Variants in DAB1 observed in about 807,000 individuals in gnomAD.
DAB1 encodes disabled homolog 1.
A neutral mutation model predicts 64.6 loss-of-function variants in DAB1; 15 were observed. The ratio of observed to expected loss-of-function variants is 0.23; its 90% CI spans 0.16 to 0.36. The LOEUF (loss-of-function observed/expected upper bound fraction) is 0.36. Among genes scored for constraint, DAB1 ranks in the 10% least tolerant of loss-of-function variants. The probability of loss-of-function intolerance (pLI) is 1.00; values close to 1 mark genes in which losing one functional copy is unlikely to be tolerated. For missense variants in DAB1, 596 were observed against 706.7 expected, an observed-to-expected ratio of 0.84 and a Z score of 1.78; for synonymous variants, 235 against 251.9, an observed-to-expected ratio of 0.93 and a Z score of 0.64.
At chr1:57,614,860 CTTTCTTTCTTTTT>C (rs1459767832) in intron 7 of DAB1, among the ~76,000 whole-genome samples, 1 of 124,374 alleles carries the variant, frequency 8.0e-6, no homozygotes, top group Admixed American at 8.6e-5. Flanking sequence ...TTCTTTCTTT[CTTTCTTTCTTTTT>C]TTTTTTTTTT....
At chr1:58,344,733 G>T (rs1380360427) in intron 3 of DAB1, among the ~76,000 whole-genome samples, 1 of 152,178 alleles carries the variant, frequency 6.6e-6, no homozygotes, top group Non-Finnish European at 1.5e-5. Context: ...ATACCATTGA[G>T]AGGTTAACTA....
intron 7 of DAB1, among the ~76,000 whole-genome samples, chr1:57,502,380 T>A (rs1445447772): frequency 6.6e-6 from 1 of 151,200 alleles, no homozygotes; most frequent in Non-Finnish European, 1.5e-5. Context: ...CAGTCAATTG[T>A]GGAAAATTTA....
chr1:57,224,929 G>T (rs562560724), intron 2 of DAB1, among the ~76,000 whole-genome samples: 5 of 152,120 alleles, frequency 3.3e-5, no homozygotes, highest in African/African-American at 9.7e-5. Flanking sequence ...TAATCAGTGG[G>T]CCTACATTAA....
intron 6 of DAB1, among the ~76,000 whole-genome samples, chr1:57,720,072 G>C (rs1300307989): frequency 1.3e-5 from 2 of 152,110 alleles, no homozygotes; most frequent in African/African-American, 2.4e-5. Context: ...CTCTAAATTA[G>C]AGTCACACTC....
chr1:58,041,067 G>C (rs1647128132), intron 5 of DAB1, among the ~76,000 whole-genome samples: 1 of 152,162 alleles, frequency 6.6e-6, no homozygotes, highest in Non-Finnish European at 1.5e-5. Context: ...ATGCTTTGCT[G>C]CCTATCTGAA....
intron 4 of DAB1, among the ~76,000 whole-genome samples, chr1:57,112,639 A>C (rs1459238135): frequency 1.3e-5 from 2 of 152,204 alleles, no homozygotes; most frequent in South Asian, 4.1e-4. Flanking sequence ...ATTCCTTTGC[A>C]CATGAGCTTT....
intron 5 of DAB1, among the ~76,000 whole-genome samples, chr1:57,918,738 G>A (rs1294478981): frequency 1.3e-5 from 2 of 152,090 alleles, no homozygotes; most frequent in Admixed American, 6.6e-5. Context: ...GCAGGAGAAT[G>A]GTGTGAACCC....
At chr1:58,038,894 A>G (rs1647089095) in intron 5 of DAB1, among the ~76,000 whole-genome samples, 1 of 152,186 alleles carries the variant, frequency 6.6e-6, no homozygotes, top group African/African-American at 2.4e-5. Context: ...GCTTAATTTC[A>G]GTGTCTCCAA....
chr1:58,216,639 C>A (rs1010498959), intron 4 of DAB1, among the ~76,000 whole-genome samples: 14 of 152,192 alleles, frequency 9.2e-5, no homozygotes, highest in African/African-American at 2.9e-4. Flanking sequence ...AACTTACACT[C>A]CCACCAACAG....
intron 5 of DAB1, among the ~76,000 whole-genome samples, chr1:58,002,335 T>C (rs945965784): frequency 4.6e-5 from 7 of 152,212 alleles, no homozygotes; most frequent in African/African-American, 1.7e-4. Context: ...TAATTGTTTG[T>C]TTTTCTTTAA....
intron 1 of DAB1, among the ~76,000 whole-genome samples, chr1:57,869,412 T>TA (rs1654439903): frequency 6.7e-6 from 1 of 150,074 alleles, no homozygotes. Flanking sequence ...AGGTACTCAA[T>TA]AACTCTATTC....
intron 7 of DAB1, among the ~76,000 whole-genome samples, chr1:57,491,770 AC>A (rs1192280723): frequency 6.6e-6 from 1 of 152,214 alleles, no homozygotes; most frequent in African/African-American, 2.4e-5. Flanking sequence ...GAGGTTTCCC[AC>A]GTAGCATCAC....
rs180872073 is a variant in DAB1 at position 57,106,093 on chromosome 1, G to T, written c.306+30450C>A. Among the ~76,000 whole-genome samples the T allele has an allele frequency of 1.6e-3, 244 of 152,300 alleles. 3 individuals are homozygous for T. The highest frequency in any genetic ancestry group is 1.8e-3 in the Non-Finnish European group (124 of 68,030). On this transcript the variant is annotated intron_variant, in intron 4 of 14. Coordinates refer to ENST00000371236, the MANE Select transcript of DAB1 (RefSeq NM_001365792.1). ...GTCATGTCTTGTGAGGCCCCTAGCA[G>T]GTGCTCAGTTCCTAATAGTTTCTCT... is the stretch of plus-strand genomic sequence containing the variant.
intron 9 of DAB1, among the ~76,000 whole-genome samples, chr1:57,028,041 CA>C (rs1181363208): frequency 6.6e-6 from 1 of 152,084 alleles, no homozygotes; most frequent in East Asian, 1.9e-4. Flanking sequence ...GAAATAGCAA[CA>C]GGGGTCTCTA....
intron 5 of DAB1, among the ~76,000 whole-genome samples, chr1:58,128,445 C>G (rs1323577860): frequency 1.5e-5 from 2 of 133,298 alleles, no homozygotes; most frequent in Non-Finnish European, 1.6e-5. Flanking sequence ...ATTGAATACC[C>G]TTTATTTCCT....
At chr1:58,481,126 C>G (rs778270856) in intron 3 of DAB1, 1 of 870,994 alleles carries the variant, frequency 1.1e-6, no homozygotes, top group Non-Finnish European at 2.0e-6. Context: ...AATCGAGGGT[C>G]TGGATTAGAC....
chr1:58,353,288 C>A (rs1402613910), intron 3 of DAB1, among the ~76,000 whole-genome samples: 1 of 152,148 alleles, frequency 6.6e-6, no homozygotes, highest in Admixed American at 6.6e-5. Flanking sequence ...CAGGAGATAA[C>A]CACGGTTACT....
intron 6 of DAB1, among the ~76,000 whole-genome samples, chr1:57,776,855 T>A (rs1205698057): frequency 1.3e-5 from 2 of 151,834 alleles, no homozygotes; most frequent in African/African-American, 4.8e-5. Flanking sequence ...AAATTTAAAA[T>A]GAGGAAAGAT....
intron 2 of DAB1, among the ~76,000 whole-genome samples, chr1:57,235,533 A>G (rs1275091074): frequency 6.6e-6 from 1 of 152,182 alleles, no homozygotes; most frequent in Non-Finnish European, 1.5e-5. Flanking sequence ...TCTGTCAAGC[A>G]TCACATTATC....
Sources: gnomAD v4.1 joint callset for allele counts (sites outside exome capture counted in the v4.1 genomes callset) on GRCh38, gnomAD v4.1.1 for gene constraint, MANE v1.5 for transcripts, NCBI Gene and HGNC (gene_info 2026-07-23, HGNC 2026-07-21) for gene names.